ASIC2: variants seen among roughly 807,000 people sequenced by gnomAD.
ASIC2 encodes acid-sensing ion channel 2.
In ASIC2, 25 loss-of-function variants were observed where a neutral mutation model predicts 57.3. That is an observed-to-expected ratio of 0.44 (90% CI 0.32 to 0.61). The LOEUF (loss-of-function observed/expected upper bound fraction) is 0.61. Ranked by LOEUF, ASIC2 falls within the 20% of genes least tolerant of loss-of-function variation. ASIC2 has a pLI of 0.06. For missense variants in ASIC2, 641 were observed against 738.1 expected (o/e 0.87, Z 1.52); for synonymous variants, 319 against 307.5 (o/e 1.04, Z -0.39).
intron 1 of ASIC2, among the ~76,000 whole-genome samples, chr17:34,092,105 G>A (rs1910354887): frequency 6.6e-6 from 1 of 151,848 alleles, no homozygotes; most frequent in Non-Finnish European, 1.5e-5. Flanking sequence ...GGTGGTAGTG[G>A]ATCCCGGACA....
intron 1 of ASIC2, among the ~76,000 whole-genome samples, chr17:33,319,845 C>T (rs9905033): frequency 0.21 from 32,429 of 152,138 alleles, 3,706 homozygotes; most frequent in East Asian, 0.38. Flanking sequence ...CCATTAATTA[C>T]TTTTAAATGT....
intron 1 of ASIC2, among the ~76,000 whole-genome samples, chr17:34,136,996 T>A (rs567887783): frequency 3.3e-5 from 5 of 152,238 alleles, no homozygotes; most frequent in Admixed American, 6.5e-5. Context: ...CTTGTTATAT[T>A]CTACTCCTTT....
At chr17:33,409,584 C>G (rs1471201560) in intron 1 of ASIC2, among the ~76,000 whole-genome samples, 1 of 152,264 alleles carries the variant, frequency 6.6e-6, no homozygotes, top group Non-Finnish European at 1.5e-5. Context: ...TCCCTCACCC[C>G]TCCACCACCA....
chr17:33,783,186 T>C (rs1241918121), intron 1 of ASIC2, among the ~76,000 whole-genome samples: 1 of 152,234 alleles, frequency 6.6e-6, no homozygotes, highest in Non-Finnish European at 1.5e-5. Flanking sequence ...CAGTTGATTG[T>C]TCACCTTCAC....
chr17:33,578,831 T>C (rs1000758642), intron 1 of ASIC2, among the ~76,000 whole-genome samples: 1 of 152,142 alleles, frequency 6.6e-6, no homozygotes, highest in Non-Finnish European at 1.5e-5. Context: ...GGGACTGTAA[T>C]TAAACTGTGG....
chr17:34,059,081 C>T (rs951298508), intron 1 of ASIC2, among the ~76,000 whole-genome samples: 1 of 152,190 alleles, frequency 6.6e-6, no homozygotes, highest in African/African-American at 2.4e-5. Flanking sequence ...TCTGGATCAA[C>T]TGCAAGAACA....
chr17:34,007,466 G>A (rs1906564264), intron 1 of ASIC2, among the ~76,000 whole-genome samples: 1 of 152,192 alleles, frequency 6.6e-6, no homozygotes, highest in Admixed American at 6.5e-5. Context: ...GTTCTAGACT[G>A]GGAGTGCTGG....
At chr17:33,371,187 T>C (rs948123223) in intron 1 of ASIC2, among the ~76,000 whole-genome samples, 1 of 152,218 alleles carries the variant, frequency 6.6e-6, no homozygotes, top group Admixed American at 6.5e-5. Context: ...ATCAGGATAT[T>C]CCTGAGTCTG....
chr17:33,400,512 C>T (rs1910244116), intron 1 of ASIC2, among the ~76,000 whole-genome samples: 1 of 152,156 alleles, frequency 6.6e-6, no homozygotes, highest in Non-Finnish European at 1.5e-5. Flanking sequence ...ACCTCTCCGA[C>T]TCTACTCCCT....
chr17:33,574,539 C>G (rs1393768834), intron 1 of ASIC2, among the ~76,000 whole-genome samples: 2 of 152,146 alleles, frequency 1.3e-5, no homozygotes, highest in Non-Finnish European at 2.9e-5. Flanking sequence ...CCTCTACTCA[C>G]TACATGACAG....
intron 1 of ASIC2, among the ~76,000 whole-genome samples, chr17:34,110,924 T>G (rs1309017409): frequency 6.6e-6 from 1 of 152,126 alleles, no homozygotes; most frequent in Non-Finnish European, 1.5e-5. Flanking sequence ...CTGTTACCCT[T>G]TCAAAATTAT....
chr17:33,207,268 T>C (rs57254555), intron 1 of ASIC2, among the ~76,000 whole-genome samples: 4,513 of 152,304 alleles, frequency 0.03, 177 homozygotes, highest in African/African-American at 0.089. Flanking sequence ...ATTTAAAGCA[T>C]TGATGGCTGT....
intron 1 of ASIC2, among the ~76,000 whole-genome samples, chr17:33,992,286 T>C (rs1249260026): frequency 6.6e-6 from 1 of 152,174 alleles, no homozygotes; most frequent in African/African-American, 2.4e-5. Context: ...ACCAGCTAGC[T>C]CAGCCTAGTC....
chr17:33,825,312 G>A (rs1912872865), intron 1 of ASIC2, among the ~76,000 whole-genome samples: 1 of 152,152 alleles, frequency 6.6e-6, no homozygotes, highest in Non-Finnish European at 1.5e-5. Context: ...CAAAGCAATA[G>A]GGTGAATTTG....
At chr17:33,944,218 A>C (rs1323870346) in intron 1 of ASIC2, among the ~76,000 whole-genome samples, 1 of 152,178 alleles carries the variant, frequency 6.6e-6, no homozygotes, top group African/African-American at 2.4e-5. Context: ...TTTTCCTTGC[A>C]CTTCCCATGG....
chr17:33,667,209 A>G (rs1907504650), intron 1 of ASIC2, among the ~76,000 whole-genome samples: 1 of 152,100 alleles, frequency 6.6e-6, no homozygotes, highest in Non-Finnish European at 1.5e-5. Flanking sequence ...TGGAAATTCT[A>G]CCACGCCCTC....
At chr17:33,108,997 G>T (rs963764342) in intron 2 of ASIC2, among the ~76,000 whole-genome samples, 1 of 152,158 alleles carries the variant, frequency 6.6e-6, no homozygotes, top group Non-Finnish European at 1.5e-5. Flanking sequence ...GCCCCCTGCA[G>T]CTAGCTAATT....
At chr17:33,431,313 T>C (rs1254336876) in intron 1 of ASIC2, among the ~76,000 whole-genome samples, 1 of 151,988 alleles carries the variant, frequency 6.6e-6, no homozygotes, top group Non-Finnish European at 1.5e-5. Context: ...GATGATAGAA[T>C]CAGAAGAAAG....
intron 1 of ASIC2, among the ~76,000 whole-genome samples, chr17:33,334,543 A>G (rs1481943147): frequency 6.6e-6 from 1 of 152,196 alleles, no homozygotes; most frequent in Non-Finnish European, 1.5e-5. Context: ...GTCTGTCCCA[A>G]AGAGACCCTA....
Sources: allele counts gnomAD v4.1 joint callset (sites outside exome capture counted in the v4.1 genomes callset), GRCh38; gene constraint gnomAD v4.1.1; transcripts MANE v1.5; gene names NCBI Gene and HGNC (gene_info 2026-07-23, HGNC 2026-07-21).